Variants in RFX7 observed in about 807,000 individuals in gnomAD.
RFX7 encodes the protein DNA-binding protein RFX7.
A neutral mutation model predicts 111.8 loss-of-function variants in RFX7; 26 were observed. That is an observed-to-expected ratio of 0.23 (90% CI 0.17 to 0.32). The LOEUF (loss-of-function observed/expected upper bound fraction) is 0.32. RFX7 is among the 10% of genes least tolerant of loss of function. The pLI, the probability that RFX7 is intolerant of heterozygous loss-of-function variation, is 1.00. For synonymous variants in RFX7, 624 were observed against 624.4 expected, an observed-to-expected ratio of 1.00 and a Z score of 0.01; for missense variants, 1,573 against 1,772.9, an observed-to-expected ratio of 0.89 and a Z score of 2.02.
rs1376920142 is a variant in RFX7, at chr15:56,095,723, C to T, written c.2005G>A (p.Val669Met). The stretch of plus-strand genomic sequence containing the variant: ...ACAATTGGTTTCTTTACAGGAGGCA[C>T]CTGGGTCTCCTGCAATGTAGAAGAC... ...RLSSTLQETQVPPVKKPIVEQ... is the reference protein window; with the variant it reads ...RLSSTLQETQMPPVKKPIVEQ... The change falls in exon 10 of 10, where the codon GTG becomes ATG. Residue 669 changes from valine to methionine, a missense_variant. By Grantham distance (21) the Val-to-Met change is conservative. This residue lies in a region of RFX7 where 625 missense variants were observed against 632.2 expected (regional missense o/e 0.99). Transcript: ENST00000559447. The T allele has an allele frequency of 1.2e-6, 2 of 1,613,792 alleles. No homozygotes were observed. Among genetic ancestry groups the T allele is most frequent in the Non-Finnish European group, 1.7e-6 (2 of 1,179,852 alleles).
At chr15:56,121,264 G>C (rs550532511) in intron 5 of RFX7, among the ~76,000 whole-genome samples, 1 of 152,082 alleles carries the variant, frequency 6.6e-6, no homozygotes, top group African/African-American at 2.4e-5. Flanking sequence ...TACTATTCTA[G>C]GGTAAAATAT....
chr15:56,097,993 T>A, intron 9 of RFX7, 88 bp downstream of exon 9: 1 of 1,219,534 alleles, frequency 8.2e-7, no homozygotes. Context: ...GCTACTCTTA[T>A]ACCTGCCTTC....
intron 5 of RFX7, among the ~76,000 whole-genome samples, chr15:56,111,661 C>A (rs1057437810): frequency 2.7e-4 from 26 of 95,536 alleles, no homozygotes; most frequent in South Asian, 8.0e-4. Flanking sequence ...ATAAATAAAC[C>A]AAAAAAAAAA....
At chr15:56,183,100 A>G (rs2042993955) in intron 2 of RFX7, among the ~76,000 whole-genome samples, 1 of 152,056 alleles carries the variant, frequency 6.6e-6, no homozygotes, top group Non-Finnish European at 1.5e-5. Context: ...CTCAATTACT[A>G]GCAATGTTGT....
intron 2 of RFX7, among the ~76,000 whole-genome samples, chr15:56,198,351 C>T (rs11634455): frequency 0.13 from 19,792 of 152,122 alleles, 1,682 homozygotes; most frequent in East Asian, 0.44. Context: ...AAACATCTCT[C>T]CCTAGAGCAA....
At chr15:56,111,531 G>A (rs1204536641) in intron 5 of RFX7, among the ~76,000 whole-genome samples, 13 of 151,342 alleles carry the variant, frequency 8.6e-5, no homozygotes, top group African/African-American at 2.9e-4. Flanking sequence ...AGGGTCCTCT[G>A]CCTAGGAAAA....
intron 8 of RFX7, among the ~76,000 whole-genome samples, chr15:56,098,748 C>A (rs2041715552): frequency 6.6e-6 from 1 of 152,170 alleles, no homozygotes; most frequent in Non-Finnish European, 1.5e-5. Context: ...TTCCCTCCCC[C>A]CATTTCTAAT....
At chr15:56,159,065 G>A (rs542670719) in intron 3 of RFX7, among the ~76,000 whole-genome samples, 8 of 152,050 alleles carry the variant, frequency 5.3e-5, no homozygotes, top group Admixed American at 3.3e-4. Context: ...AACCTTTCTC[G>A]ATTCCATATA....
intron 5 of RFX7, among the ~76,000 whole-genome samples, chr15:56,132,300 A>G (rs2042228389): frequency 1.3e-5 from 2 of 152,092 alleles, no homozygotes; most frequent in African/African-American, 2.4e-5. Context: ...TATAAGGAGG[A>G]AAGATGGGTC....
chr15:56,150,497 G>A (rs1445106054), intron 3 of RFX7, among the ~76,000 whole-genome samples: 4 of 152,134 alleles, frequency 2.6e-5, no homozygotes. Context: ...TGCAGCCTCC[G>A]CTGGTGATAC....
chr15:56,206,857 T>C (rs561042234), intron 2 of RFX7, among the ~76,000 whole-genome samples: 67 of 151,202 alleles, frequency 4.4e-4, no homozygotes, highest in Non-Finnish European at 8.6e-4. Flanking sequence ...TACCAGAGGC[T>C]TGAAGGTTGG....
intron 2 of RFX7, among the ~76,000 whole-genome samples, chr15:56,214,328 TAAA>T (rs34389995): frequency 4.6e-5 from 7 of 152,072 alleles, no homozygotes; most frequent in African/African-American, 1.7e-4. Flanking sequence ...TATTAAGAAA[TAAA>T]AAATCTGCGA....
At chr15:56,105,681 G>C (rs1159076185) in intron 5 of RFX7, among the ~76,000 whole-genome samples, 1 of 148,104 alleles carries the variant, frequency 6.8e-6, no homozygotes, top group Non-Finnish European at 1.5e-5. Flanking sequence ...TTGGCAGAAG[G>C]GGTAGGAGAA....
chr15:56,187,924 T>C (rs1332189900), intron 2 of RFX7, among the ~76,000 whole-genome samples: 4 of 151,930 alleles, frequency 2.6e-5, no homozygotes, highest in Non-Finnish European at 2.9e-5. Context: ...AAATACACTA[T>C]AGTGAACAAA....
chr15:56,154,268 T>C (rs927690030), intron 3 of RFX7, among the ~76,000 whole-genome samples: 3 of 152,100 alleles, frequency 2.0e-5, no homozygotes, highest in Non-Finnish European at 4.4e-5. Flanking sequence ...CTTCACAGAA[T>C]TGGAAAAAAC....
intron 2 of RFX7, among the ~76,000 whole-genome samples, chr15:56,236,968 C>T (rs1237203412): frequency 3.3e-5 from 5 of 152,294 alleles, no homozygotes; most frequent in South Asian, 2.1e-4. Context: ...AACCCTTGCA[C>T]AAGGTAGCAA....
chr15:56,098,430 A>C (rs933485880), intron 8 of RFX7, 54 bp from the exon 9 acceptor site: 1 of 1,494,938 alleles, frequency 6.7e-7, no homozygotes, highest in South Asian at 1.3e-5. Flanking sequence ...TATAGAAGGG[A>C]GGTTCCTTTG....
chr15:56,217,041 C>CA (rs1274042214), intron 2 of RFX7, among the ~76,000 whole-genome samples: 6 of 151,740 alleles, frequency 4.0e-5, no homozygotes, highest in East Asian at 1.9e-4. Context: ...ATGGTTAAAA[C>CA]AAAAAAAATT....
chr15:56,235,740 A>G (rs1163157751), intron 2 of RFX7, among the ~76,000 whole-genome samples: 1 of 152,202 alleles, frequency 6.6e-6, no homozygotes, highest in Admixed American at 6.5e-5. Context: ...TAGAAATATC[A>G]CTAATCAATC....
Sources: gnomAD v4.1 joint callset for allele counts (sites outside exome capture counted in the v4.1 genomes callset) on GRCh38, gnomAD v4.1.1 for gene constraint, gnomAD v4.1.1 regional missense constraint, MANE v1.5 for transcripts, NCBI Gene and HGNC (gene_info 2026-07-23, HGNC 2026-07-21) for gene names.